Variants in DLG2 observed in about 807,000 individuals in gnomAD.
The protein encoded by DLG2 is discs large MAGUK scaffold protein 2, also known as disks large homolog 2.
Under a neutral mutation model 132.5 loss-of-function variants are expected in DLG2, and 45 were observed. The observed-to-expected ratio is 0.34, with a 90% CI of 0.27 to 0.44. The LOEUF is 0.44. DLG2 is among the 20% of genes least tolerant of loss of function. The pLI, the probability that DLG2 is intolerant of heterozygous loss-of-function variation, is 1.00. For missense variants in DLG2, 1,045 were observed against 1,196.9 expected (o/e 0.87, Z 1.87); for synonymous variants, 424 against 419.6 (o/e 1.01, Z -0.13).
At chr11:84,751,431 T>C (rs1406054567) in intron 6 of DLG2, among the ~76,000 whole-genome samples, 1 of 152,108 alleles carries the variant, frequency 6.6e-6, no homozygotes, top group Admixed American at 6.6e-5. Flanking sequence ...GTAGGCATTA[T>C]TTATGATAAT....
intron 19 of DLG2, among the ~76,000 whole-genome samples, chr11:83,561,883 C>CTTTTTTTTTTTTTTTT (rs66514406): frequency 3.4e-5 from 3 of 87,966 alleles, no homozygotes; most frequent in Non-Finnish European, 6.3e-5. Flanking sequence ...GTATTTCTTT[C>CTTTTTTTTTTTTTTTT]TTTTTTTTTT....
At chr11:84,747,962 T>C (rs1052637400) in intron 6 of DLG2, among the ~76,000 whole-genome samples, 1 of 152,212 alleles carries the variant, frequency 6.6e-6, no homozygotes, top group African/African-American at 2.4e-5. Context: ...TTTTCCCCTC[T>C]GTGGCCGAGT....
At chr11:83,657,322 A>G (rs2072802530) in intron 18 of DLG2, among the ~76,000 whole-genome samples, 1 of 152,118 alleles carries the variant, frequency 6.6e-6, no homozygotes, top group African/African-American at 2.4e-5. Flanking sequence ...CACTGCTTAG[A>G]TGAAAGGCTG....
At chr11:85,503,292 A>T (rs749629034) in intron 3 of DLG2, among the ~76,000 whole-genome samples, 1 of 152,108 alleles carries the variant, frequency 6.6e-6, no homozygotes, top group Non-Finnish European at 1.5e-5. Context: ...TTACTCCCCT[A>T]CTTTGAGCCA....
intron 4 of DLG2, among the ~76,000 whole-genome samples, chr11:85,273,714 A>G (rs918157538): frequency 1.3e-5 from 2 of 152,242 alleles, no homozygotes; most frequent in Non-Finnish European, 2.9e-5. Flanking sequence ...TCCAGGATCT[A>G]GAACTAGAAA....
chr11:84,534,226 C>T (rs561823020), intron 7 of DLG2, among the ~76,000 whole-genome samples: 12 of 152,228 alleles, frequency 7.9e-5, no homozygotes, highest in East Asian at 1.9e-4. Context: ...TGTTGGACCA[C>T]GAGTACTGAC....
chr11:83,834,069 C>G (rs1240036820), intron 16 of DLG2, among the ~76,000 whole-genome samples: 7 of 152,124 alleles, frequency 4.6e-5, no homozygotes, highest in Admixed American at 4.6e-4. Context: ...GTATCAAGCA[C>G]CACAGTAGTA....
intron 6 of DLG2, among the ~76,000 whole-genome samples, chr11:84,783,805 AAAT>A (rs1345666499): frequency 1.3e-5 from 2 of 152,120 alleles, no homozygotes; most frequent in Non-Finnish European, 2.9e-5. Context: ...TCAACATGTC[AAAT>A]AATTATTGGT....
At chr11:83,822,919 A>G (rs146522109) in intron 17 of DLG2, among the ~76,000 whole-genome samples, 127 of 152,234 alleles carry the variant, frequency 8.3e-4, no homozygotes, top group Non-Finnish European at 1.3e-3. Flanking sequence ...TGAAAGAAGG[A>G]GGCCTATACC....
intron 7 of DLG2, among the ~76,000 whole-genome samples, chr11:84,396,365 G>A (rs953733556): frequency 2.6e-5 from 4 of 152,068 alleles, no homozygotes; most frequent in Non-Finnish European, 1.5e-5. Context: ...ATCTTCAGAG[G>A]AAGTTTTCAT....
intron 3 of DLG2, among the ~76,000 whole-genome samples, chr11:85,483,690 T>C (rs551043681): frequency 1.3e-5 from 2 of 152,172 alleles, no homozygotes; most frequent in African/African-American, 4.8e-5. Flanking sequence ...ACACCTATAA[T>C]CCCAGAACTT....
intron 3 of DLG2, among the ~76,000 whole-genome samples, chr11:85,535,436 T>A (rs1428706847): frequency 6.6e-6 from 1 of 152,154 alleles, no homozygotes; most frequent in Non-Finnish European, 1.5e-5. Flanking sequence ...CTTAATAATT[T>A]TTGTTGAATA....
chr11:84,592,512 T>A (rs2099545810), intron 6 of DLG2, among the ~76,000 whole-genome samples: 1 of 152,008 alleles, frequency 6.6e-6, no homozygotes, highest in South Asian at 2.1e-4. Context: ...AAAGAAACTA[T>A]CATCAGAGTG....
chr11:85,041,871 T>C (rs1376374697), intron 6 of DLG2, among the ~76,000 whole-genome samples: 1 of 151,836 alleles, frequency 6.6e-6, no homozygotes, highest in Non-Finnish European at 1.5e-5. Flanking sequence ...TGAGCAGCTC[T>C]CTATGAGCAG....
At chr11:83,889,967 G>T (rs887223516) in intron 15 of DLG2, among the ~76,000 whole-genome samples, 4 of 117,022 alleles carry the variant, frequency 3.4e-5, no homozygotes, top group Non-Finnish European at 6.8e-5. Flanking sequence ...TTGTGGGGTG[G>T]GGGGAGGGGG....
chr11:84,460,319 C>G (rs1433294686), intron 7 of DLG2, among the ~76,000 whole-genome samples: 1 of 150,294 alleles, frequency 6.7e-6, no homozygotes, highest in Non-Finnish European at 1.5e-5. Flanking sequence ...TATTTTTGTT[C>G]TTATCATTTT....
intron 27 of DLG2, 175 bp downstream of exon 27, chr11:83,461,827 G>T (rs1410961532): frequency 7.1e-6 from 4 of 567,022 alleles, no homozygotes; most frequent in Non-Finnish European, 9.5e-6. Flanking sequence ...AGAACCCAGG[G>T]TTTTACATCA....
At chr11:83,891,730 C>T (rs912523918) in intron 15 of DLG2, among the ~76,000 whole-genome samples, 2 of 152,116 alleles carry the variant, frequency 1.3e-5, no homozygotes, top group African/African-American at 2.4e-5. Flanking sequence ...CCATGGCAAC[C>T]GAGTGTGGGT....
intron 6 of DLG2, among the ~76,000 whole-genome samples, chr11:84,689,142 A>C (rs1374951262): frequency 6.6e-6 from 1 of 152,128 alleles, no homozygotes; most frequent in Non-Finnish European, 1.5e-5. Context: ...TGAAATGAGA[A>C]ATTGGCTATA....
Sources: gnomAD v4.1 joint callset for allele counts (sites outside exome capture counted in the v4.1 genomes callset) on GRCh38, gnomAD v4.1.1 for gene constraint, MANE v1.5 for transcripts, NCBI Gene and HGNC (gene_info 2026-07-23, HGNC 2026-07-21) for gene names.